The following PLPPR1 variants were observed in gnomAD, a reference collection of about 807,000 sequenced individuals.
The protein encoded by PLPPR1 is phospholipid phosphatase related 1.
Under a neutral mutation model 33.1 loss-of-function variants are expected in PLPPR1, and 10 were observed. The ratio of observed to expected loss-of-function variants is 0.30; its 90% CI spans 0.19 to 0.51. PLPPR1 has a LOEUF of 0.51. Ranked by LOEUF, PLPPR1 falls within the 20% of genes least tolerant of loss-of-function variation. The pLI is 0.97. For synonymous variants in PLPPR1, 151 were observed against 151.0 expected, an observed-to-expected ratio of 1.00 and a Z score of 0.00; for missense variants, 304 against 408.1, an observed-to-expected ratio of 0.74 and a Z score of 2.20.
At chr9:101,315,700 C>A (rs190070820) in intron 6 of PLPPR1, among the ~76,000 whole-genome samples, 1 of 152,254 alleles carries the variant, frequency 6.6e-6, no homozygotes, top group Admixed American at 6.5e-5. Flanking sequence ...ACCCTGTTGG[C>A]ACATGCATGT....
intron 1 of PLPPR1, among the ~76,000 whole-genome samples, chr9:101,164,118 T>A (rs538065241): frequency 6.6e-6 from 1 of 152,186 alleles, no homozygotes. Context: ...TACTTCCTTT[T>A]TTTTAAATTA....
intron 2 of PLPPR1, among the ~76,000 whole-genome samples, chr9:101,249,121 C>T (rs965879785): frequency 6.6e-6 from 1 of 152,098 alleles, no homozygotes; most frequent in Non-Finnish European, 1.5e-5. Flanking sequence ...GGGGATTTAT[C>T]TGTAGCAAAA....
chr9:101,279,785 C>A (rs1350375893), intron 3 of PLPPR1, among the ~76,000 whole-genome samples: 1 of 151,770 alleles, frequency 6.6e-6, no homozygotes, highest in Non-Finnish European at 1.5e-5. Context: ...ACACAACATA[C>A]CAAAGTGGAT....
chr9:101,120,432 T>C (rs970363191), intron 1 of PLPPR1, among the ~76,000 whole-genome samples: 1 of 152,212 alleles, frequency 6.6e-6, no homozygotes, highest in African/African-American at 2.4e-5. Flanking sequence ...TCATCTATAT[T>C]TATTACACCT....
intron 3 of PLPPR1, among the ~76,000 whole-genome samples, chr9:101,273,819 A>G (rs906694068): frequency 5.9e-5 from 9 of 152,244 alleles, no homozygotes; most frequent in Non-Finnish European, 1.3e-4. Flanking sequence ...AACAAATTAT[A>G]TAGTCCATTT....
At chr9:101,114,758 G>A (rs1232158919) in intron 1 of PLPPR1, among the ~76,000 whole-genome samples, 2 of 152,184 alleles carry the variant, frequency 1.3e-5, no homozygotes, top group Non-Finnish European at 2.9e-5. Context: ...TAAGTGCAAA[G>A]TGCTTAGGTA....
chr9:101,077,053 C>T (rs995377221), intron 1 of PLPPR1, among the ~76,000 whole-genome samples: 1 of 152,180 alleles, frequency 6.6e-6, no homozygotes, highest in Non-Finnish European at 1.5e-5. Flanking sequence ...GTCCTTGTGG[C>T]ACTGTGGTAG....
chr9:101,199,524 T>C (rs1826457423), intron 2 of PLPPR1, among the ~76,000 whole-genome samples: 1 of 152,214 alleles, frequency 6.6e-6, no homozygotes, highest in South Asian at 2.1e-4. Flanking sequence ...TAAGGGTATC[T>C]GATACTTTTT....
At chr9:101,173,167 T>A (rs951385188) in intron 1 of PLPPR1, among the ~76,000 whole-genome samples, 9 of 152,174 alleles carry the variant, frequency 5.9e-5, no homozygotes, top group African/African-American at 1.7e-4. Flanking sequence ...TCTTTTAAAA[T>A]CCTTTTCCTG....
intron 3 of PLPPR1, among the ~76,000 whole-genome samples, chr9:101,271,602 G>A (rs994737448): frequency 2.6e-5 from 4 of 152,130 alleles, no homozygotes; most frequent in Admixed American, 2.0e-4. Flanking sequence ...ACCTCACAAT[G>A]TGACACACTC....
chr9:101,049,362 T>A (rs1459579016), intron 1 of PLPPR1, among the ~76,000 whole-genome samples: 1 of 152,232 alleles, frequency 6.6e-6, no homozygotes, highest in African/African-American at 2.4e-5. Flanking sequence ...AATAAATTTA[T>A]AGAGTATTAA....
intron 1 of PLPPR1, among the ~76,000 whole-genome samples, chr9:101,053,325 A>T (rs536810640): frequency 6.6e-6 from 1 of 152,220 alleles, no homozygotes; most frequent in East Asian, 1.9e-4. Flanking sequence ...AAGGTCTCTC[A>T]TATTGATTTC....
At chr9:101,095,699 G>A (rs1052464618) in intron 1 of PLPPR1, among the ~76,000 whole-genome samples, 4 of 152,064 alleles carry the variant, frequency 2.6e-5, no homozygotes, top group African/African-American at 9.7e-5. Flanking sequence ...AGAGTAAGTG[G>A]TGGAACCGAG....
intron 4 of PLPPR1, among the ~76,000 whole-genome samples, chr9:101,308,877 G>A (rs1828902848): frequency 6.6e-6 from 1 of 152,170 alleles, no homozygotes; most frequent in Non-Finnish European, 1.5e-5. Context: ...TGCAGCAAAG[G>A]TAACCAAGAT....
intron 1 of PLPPR1, among the ~76,000 whole-genome samples, chr9:101,170,842 A>G (rs1441847817): frequency 2.0e-5 from 3 of 152,152 alleles, no homozygotes; most frequent in Non-Finnish European, 2.9e-5. Flanking sequence ...GGGGAGGCTG[A>G]GGTAGGAGGA....
At chr9:101,146,942 A>G (rs1831528164) in intron 1 of PLPPR1, among the ~76,000 whole-genome samples, 2 of 152,242 alleles carry the variant, frequency 1.3e-5, no homozygotes, top group African/African-American at 4.8e-5. Context: ...TATGCTGCTT[A>G]ATTAAAAAGA....
intron 1 of PLPPR1, among the ~76,000 whole-genome samples, chr9:101,136,447 T>C (rs1034162144): frequency 1.3e-5 from 2 of 152,234 alleles, no homozygotes; most frequent in African/African-American, 2.4e-5. Flanking sequence ...TGATGCCATT[T>C]AACACATGGT....
chr9:101,268,855 C>G (rs2118892833), intron 2 of PLPPR1, among the ~76,000 whole-genome samples: 1 of 152,118 alleles, frequency 6.6e-6, no homozygotes, highest in East Asian at 1.9e-4. Context: ...TTTAGTTTGC[C>G]TGTTTTGTTA....
At chr9:101,180,402 A>G (rs1826089369) in intron 1 of PLPPR1, among the ~76,000 whole-genome samples, 3 of 151,618 alleles carry the variant, frequency 2.0e-5, no homozygotes, top group African/African-American at 4.8e-5. Flanking sequence ...TAAAATTTGT[A>G]TGGAACCACA....
Sources: allele counts gnomAD v4.1 joint callset (sites outside exome capture counted in the v4.1 genomes callset), GRCh38; gene constraint gnomAD v4.1.1; transcripts MANE v1.5; gene names NCBI Gene and HGNC (gene_info 2026-07-23, HGNC 2026-07-21).